PPM1B: variants seen among roughly 807,000 people sequenced by gnomAD.
The protein encoded by PPM1B is protein phosphatase, Mg2+/Mn2+ dependent 1B.
Under a neutral mutation model 43.0 loss-of-function variants are expected in PPM1B, and 22 were observed. The observed-to-expected ratio is 0.51, with a 90% CI of 0.37 to 0.73. PPM1B has a LOEUF of 0.73. PPM1B is among the 30% of genes least tolerant of loss of function. The pLI is 0.00. For missense variants in PPM1B, 632 were observed against 584.2 expected, an observed-to-expected ratio of 1.08 and a Z score of -0.84; for synonymous variants, 217 against 197.9, an observed-to-expected ratio of 1.10 and a Z score of -0.81.
intron 1 of PPM1B, among the ~76,000 whole-genome samples, chr2:44,191,266 T>C (rs1326927209): frequency 6.6e-6 from 1 of 152,156 alleles, no homozygotes; most frequent in Non-Finnish European, 1.5e-5. Context: ...CAGGCTGGAG[T>C]GCAGTGGAGT....
chr2:44,185,099 C>G (rs998759909), intron 1 of PPM1B, among the ~76,000 whole-genome samples: 2 of 151,720 alleles, frequency 1.3e-5, no homozygotes, highest in Non-Finnish European at 2.9e-5. Flanking sequence ...TTTATGCTTA[C>G]CTGGCTTCTA....
intron 1 of PPM1B, among the ~76,000 whole-genome samples, chr2:44,183,894 G>A (rs1364759137): frequency 2.6e-5 from 4 of 152,054 alleles, no homozygotes; most frequent in East Asian, 1.9e-4. Flanking sequence ...ATCCGCCACC[G>A]TCCCTGGCTA....
At chr2:44,190,420 A>G (rs1355490227) in intron 1 of PPM1B, among the ~76,000 whole-genome samples, 2 of 152,004 alleles carry the variant, frequency 1.3e-5, no homozygotes, top group African/African-American at 2.4e-5. Flanking sequence ...CAGCCTCCCA[A>G]AGTGTTGGGA....
In PPM1B at chr2:44,199,125, G is replaced by A. The variant is rs568795556; in HGVS notation, c.-14-2061G>A. ...TACAAAAAATTAGCTGGGTATGGTG[G>A]CGCGTGCCTGTAACCCCAGCTACCC... On this transcript the variant is annotated intron_variant, in intron 1 of 5. Coordinates refer to ENST00000282412, the MANE Select transcript of PPM1B (RefSeq NM_002706.6). Among the ~76,000 whole-genome samples, 8 of 152,056 alleles carry A rather than the reference G, an allele frequency of 5.3e-5. No individual in the cohort carries two copies. In the East Asian group the frequency reaches 1.5e-3, roughly 29 times the overall value.
chr2:44,191,388 C>G (rs902982752), intron 1 of PPM1B, among the ~76,000 whole-genome samples: 2 of 151,808 alleles, frequency 1.3e-5, no homozygotes, highest in Non-Finnish European at 2.9e-5. Context: ...TAATTTTTTT[C>G]TATTTTTAGT....
At chr2:44,177,688 G>A (rs1667648396) in intron 1 of PPM1B, among the ~76,000 whole-genome samples, 1 of 151,786 alleles carries the variant, frequency 6.6e-6, no homozygotes, top group Non-Finnish European at 1.5e-5. Context: ...AAAGTGCTGG[G>A]ATTACAGACA....
At chr2:44,243,593 C>T (rs1242414580) in intron 5 of PPM1B, among the ~76,000 whole-genome samples, 1 of 152,058 alleles carries the variant, frequency 6.6e-6, no homozygotes, top group Non-Finnish European at 1.5e-5. Flanking sequence ...TCCATTATCC[C>T]TTTATACCAG....
chr2:44,198,395 A>C (rs909097989), intron 1 of PPM1B, among the ~76,000 whole-genome samples: 2 of 152,142 alleles, frequency 1.3e-5, no homozygotes, highest in Admixed American at 6.5e-5. Flanking sequence ...TCTTTGCCTC[A>C]AGTGATCCGC....
intron 1 of PPM1B, among the ~76,000 whole-genome samples, chr2:44,198,631 T>A (rs1201639803): frequency 6.6e-6 from 1 of 152,070 alleles, no homozygotes; most frequent in South Asian, 2.1e-4. Context: ...TCAAATAAGA[T>A]AAAAGCGTAA....
intron 2 of PPM1B, 96 bp downstream of exon 2, chr2:44,202,141 T>C: frequency 8.3e-7 from 1 of 1,210,302 alleles, no homozygotes; most frequent in South Asian, 2.0e-5. Flanking sequence ...ACTTTTAATA[T>C]TTTCACAGAA....
intron 1 of PPM1B, among the ~76,000 whole-genome samples, chr2:44,175,305 T>C (rs1667530579): frequency 6.6e-6 from 1 of 152,086 alleles, no homozygotes. Context: ...GCACTCCAAA[T>C]GTTAAGATTA....
At position 44,201,943 on chromosome 2, in the gene PPM1B, T is replaced by A; in HGVS notation, c.744T>A (p.Val248=). ...TGGCTTGTGATGGGATCTGGGATGT[T>A]ATGAGTAATGAGGAGCTCTGTGAAT... is the stretch of plus-strand genomic sequence containing the variant. The part of the protein sequence containing the change: ...IILACDGIWD[V]MSNEELCEYV... The change falls in exon 2 of 6, where the codon GTT becomes GTA. Residue 248 remains valine (V), a synonymous_variant. Coordinates refer to ENST00000282412, the MANE Select transcript of PPM1B (RefSeq NM_002706.6). The surrounding 1 kb of genome is among the most constrained non-coding windows in gnomAD (Gnocchi z 5.4). 1 of 1,614,140 alleles carries A rather than the reference T, an allele frequency of 6.2e-7. No individual in the cohort carries two copies.
chr2:44,183,386 G>A (rs1344265037), intron 1 of PPM1B, among the ~76,000 whole-genome samples: 1 of 152,160 alleles, frequency 6.6e-6, no homozygotes, highest in African/African-American at 2.4e-5. Flanking sequence ...TGTGGTTTTG[G>A]AAACAAATAT....
At chr2:44,202,097 G>A (rs760451115) in intron 2 of PPM1B, 52 bp downstream of exon 2, 7 of 1,442,050 alleles carry the variant, frequency 4.9e-6, no homozygotes, top group Admixed American at 5.1e-5. Flanking sequence ...GAAAAGTTAC[G>A]GTAGGTAAAG....
At chr2:44,232,374 T>A (rs745640126), downstream of PPM1B, 1 of 1,602,420 alleles carries the variant, frequency 6.2e-7, no homozygotes, top group East Asian at 2.3e-5. Flanking sequence ...ATGCTTTTGA[T>A]TCTGAAAATT....
downstream of PPM1B, among the ~76,000 whole-genome samples, chr2:44,246,387 G>C (rs1280547941): frequency 6.6e-6 from 1 of 152,096 alleles, no homozygotes; most frequent in Non-Finnish European, 1.5e-5. Context: ...TTAACCTTTT[G>C]AGTTGGTTGT....
chr2:44,189,029 C>T (rs1260618934), intron 1 of PPM1B, among the ~76,000 whole-genome samples: 1 of 152,020 alleles, frequency 6.6e-6, no homozygotes, highest in Admixed American at 6.6e-5. Flanking sequence ...GCCACCACAC[C>T]TGGCTAATCT....
At chr2:44,241,029 G>A (rs1178548798) in intron 5 of PPM1B, among the ~76,000 whole-genome samples, 1 of 139,348 alleles carries the variant, frequency 7.2e-6, no homozygotes, top group African/African-American at 2.6e-5. Context: ...TTGAGACGGA[G>A]TTTCACTCTT....
At chr2:44,212,564 G>A (rs1286801523) in intron 3 of PPM1B, among the ~76,000 whole-genome samples, 1 of 152,152 alleles carries the variant, frequency 6.6e-6, no homozygotes, top group African/African-American at 2.4e-5. Context: ...AAGCTAGTCT[G>A]TTTATCTTTA....
Sources: allele counts gnomAD v4.1 joint callset (sites outside exome capture counted in the v4.1 genomes callset), GRCh38; gene constraint gnomAD v4.1.1; non-coding constraint Gnocchi (gnomAD v3.1); transcripts MANE v1.5; gene names NCBI Gene and HGNC (gene_info 2026-07-23, HGNC 2026-07-21).